RBFOX1: variants seen among roughly 807,000 people sequenced by gnomAD.
The protein encoded by RBFOX1 is RNA binding fox-1 homolog 1, also known as RNA binding protein fox-1 homolog 1.
RBFOX1 carries 8 observed loss-of-function variants against 57.7 expected under a neutral mutation model. The ratio of observed to expected loss-of-function variants is 0.14; its 90% confidence interval spans 0.08 to 0.25. RBFOX1 has a LOEUF of 0.25. Among genes scored for constraint, RBFOX1 ranks in the 10% least tolerant of loss-of-function variants. The pLI, the probability that RBFOX1 is intolerant of heterozygous loss-of-function variation, is 1.00. For missense variants in RBFOX1, 611 were observed against 548.5 expected (o/e 1.11, Z -1.14); for synonymous variants, 326 against 222.4 (o/e 1.47, Z -4.15).
At chr16:7,676,725 G>A in intron 13 of RBFOX1, 49 bp from the exon 14 acceptor site, 1 of 1,510,070 alleles carries the variant, frequency 6.6e-7, no homozygotes, top group South Asian at 1.1e-5. Flanking sequence ...GGGCATCCCT[G>A]CATTGGGCTC....
chr16:7,061,326 G>C (rs1238325252), intron 4 of RBFOX1, among the ~76,000 whole-genome samples: 2 of 152,120 alleles, frequency 1.3e-5, no homozygotes, highest in Non-Finnish European at 2.9e-5. Flanking sequence ...ATGTTCTCCA[G>C]TCTTTGCAAG....
intron 1 of RBFOX1, among the ~76,000 whole-genome samples, chr16:5,416,768 T>C (rs2067171167): frequency 6.6e-6 from 1 of 152,126 alleles, no homozygotes; most frequent in South Asian, 2.1e-4. Flanking sequence ...CCTTGTCTCA[T>C]TCATGCAGAT....
chr16:6,766,618 C>G (rs992628753), intron 3 of RBFOX1, among the ~76,000 whole-genome samples: 1 of 151,898 alleles, frequency 6.6e-6, no homozygotes, highest in East Asian at 1.9e-4. Context: ...CACTCACAGT[C>G]AAGCTAGTGC....
At chr16:7,325,103 G>C (rs551839700) in intron 4 of RBFOX1, among the ~76,000 whole-genome samples, 3 of 152,120 alleles carry the variant, frequency 2.0e-5, no homozygotes, top group African/African-American at 7.2e-5. Context: ...GAAGAGTTTT[G>C]ATATCCCTGG....
intron 4 of RBFOX1, among the ~76,000 whole-genome samples, chr16:7,200,075 G>C (rs879408524): frequency 1.3e-5 from 2 of 152,180 alleles, no homozygotes; most frequent in African/African-American, 2.4e-5. Flanking sequence ...TCAGATACTA[G>C]TCATAATACA....
At chr16:5,550,806 A>G (rs2045431521) in intron 2 of RBFOX1, among the ~76,000 whole-genome samples, 1 of 152,222 alleles carries the variant, frequency 6.6e-6, no homozygotes, top group South Asian at 2.1e-4. Context: ...CTTTCATTTC[A>G]AAAAAGAATT....
chr16:6,075,338 T>A lies in RBFOX1; in HGVS notation c.-127+55346T>A, dbSNP rs183992587. The stretch of plus-strand genomic sequence containing the variant: ...AATAAATAGAGAAATACTCATTTAT[T>A]CATCTGTTTAACAAACATCCATTGA... On this transcript the variant is annotated intron_variant, in intron 1 of 15. Transcript: ENST00000550418. Among the ~76,000 whole-genome samples the A allele has an allele frequency of 1.9e-3, 296 of 152,364 alleles. 1 individual carries two copies. The highest frequency in any genetic ancestry group is 3.7e-3 in the Admixed American group (57 of 15,302).
chr16:7,593,243 A>G (rs1315186804), intron 7 of RBFOX1, among the ~76,000 whole-genome samples: 1 of 152,194 alleles, frequency 6.6e-6, no homozygotes, highest in African/African-American at 2.4e-5. Context: ...TCCAGTGGAT[A>G]CAAAGCAAGG....
intron 1 of RBFOX1, among the ~76,000 whole-genome samples, chr16:5,246,968 G>T (rs546273659): frequency 6.6e-6 from 1 of 152,156 alleles, no homozygotes; most frequent in Non-Finnish European, 1.5e-5. Flanking sequence ...ACCATGCCTC[G>T]CTGAGTTCAA....
At chr16:7,492,827 C>T (rs749476517) in intron 4 of RBFOX1, among the ~76,000 whole-genome samples, 2 of 152,250 alleles carry the variant, frequency 1.3e-5, no homozygotes, top group African/African-American at 4.8e-5. Flanking sequence ...CACCTTCCAC[C>T]GTGAGTAAAA....
At chr16:7,700,114 GA>G (rs1371232174) in intron 14 of RBFOX1, among the ~76,000 whole-genome samples, 2 of 152,038 alleles carry the variant, frequency 1.3e-5, no homozygotes, top group African/African-American at 4.8e-5. Context: ...TTGAGGATGG[GA>G]GATGCCAGTA....
At chr16:7,056,811 G>A (rs893743506) in intron 4 of RBFOX1, among the ~76,000 whole-genome samples, 8 of 152,134 alleles carry the variant, frequency 5.3e-5, no homozygotes, top group African/African-American at 1.9e-4. Flanking sequence ...ATTCTGTTCT[G>A]TGGATTCAAA....
intron 2 of RBFOX1, among the ~76,000 whole-genome samples, chr16:6,595,174 A>G (rs2097764734): frequency 1.3e-5 from 2 of 152,184 alleles, no homozygotes; most frequent in Non-Finnish European, 2.9e-5. Context: ...TTATTGCTCC[A>G]GAAAGACACG....
intron 3 of RBFOX1, among the ~76,000 whole-genome samples, chr16:5,840,854 G>C (rs1214027584): frequency 6.6e-6 from 1 of 152,210 alleles, no homozygotes; most frequent in African/African-American, 2.4e-5. Context: ...GCCAGTGCCT[G>C]TCTGGGTGAG....
chr16:5,254,160 A>G (rs1170165480), intron 1 of RBFOX1, among the ~76,000 whole-genome samples: 1 of 152,236 alleles, frequency 6.6e-6, no homozygotes, highest in Non-Finnish European at 1.5e-5. Flanking sequence ...CCCATTTTAC[A>G]GATGAGAAAG....
At chr16:6,218,933 G>A (rs1484587795) in intron 1 of RBFOX1, among the ~76,000 whole-genome samples, 1 of 151,956 alleles carries the variant, frequency 6.6e-6, no homozygotes, top group South Asian at 2.1e-4. Context: ...TATGAATAGG[G>A]TATTAACTGT....
chr16:7,517,962 T>G (rs1014029786), intron 4 of RBFOX1, among the ~76,000 whole-genome samples, 185 bp from the exon 5 acceptor site: 1 of 152,110 alleles, frequency 6.6e-6, no homozygotes, highest in Non-Finnish European at 1.5e-5. Flanking sequence ...GGAGAAGTGA[T>G]GGTTACTGTT....
chr16:5,272,012 AG>A (rs1567262793), intron 1 of RBFOX1, among the ~76,000 whole-genome samples: 1 of 152,194 alleles, frequency 6.6e-6, no homozygotes, highest in East Asian at 1.9e-4. Context: ...ATGGACACTT[AG>A]GTTGATTCTA....
intron 2 of RBFOX1, among the ~76,000 whole-genome samples, chr16:5,512,678 C>T (rs2043645500): frequency 6.6e-6 from 1 of 152,174 alleles, no homozygotes; most frequent in African/African-American, 2.4e-5. Context: ...CAGCAAGTTC[C>T]TGCATACCCA....
Sources: gnomAD v4.1 joint callset for allele counts (sites outside exome capture counted in the v4.1 genomes callset) on GRCh38, gnomAD v4.1.1 for gene constraint, MANE v1.5 for transcripts, NCBI Gene and HGNC (gene_info 2026-07-23, HGNC 2026-07-21) for gene names.